The following RPS6KA2 variants were observed in gnomAD, a reference collection of about 807,000 sequenced individuals.
RPS6KA2 encodes ribosomal protein S6 kinase A2.
Under a neutral mutation model 91.8 loss-of-function variants are expected in RPS6KA2, and 42 were observed. That is an observed-to-expected ratio of 0.46 (90% CI 0.36 to 0.59). RPS6KA2 has a LOEUF of 0.59. RPS6KA2 is among the 20% of genes least tolerant of loss of function. The pLI, the probability that RPS6KA2 is intolerant of heterozygous loss-of-function variation, is 0.00. For synonymous variants in RPS6KA2, 414 were observed against 393.6 expected (o/e 1.05, Z -0.61); for missense variants, 798 against 978.5 (o/e 0.82, Z 2.46).
intron 2 of RPS6KA2, among the ~76,000 whole-genome samples, chr6:166,759,298 A>AT (rs999929723): frequency 1.8e-4 from 27 of 151,986 alleles, no homozygotes; most frequent in Non-Finnish European, 3.2e-4. Context: ...TTATATACAC[A>AT]TTTTTTTCTA....
chr6:166,819,979 G>T (rs1455727241), intron 2 of RPS6KA2, among the ~76,000 whole-genome samples: 4 of 152,128 alleles, frequency 2.6e-5, no homozygotes, highest in African/African-American at 9.7e-5. Context: ...CTATATGAGA[G>T]TGTGTGTTTT....
At chr6:166,486,219 G>T (rs1781402136) in intron 10 of RPS6KA2, among the ~76,000 whole-genome samples, 1 of 152,082 alleles carries the variant, frequency 6.6e-6, no homozygotes, top group South Asian at 2.1e-4. Flanking sequence ...TTGGTCAGTA[G>T]GTTCCTCTAA....
chr6:166,698,410 T>C (rs1789415245), intron 2 of RPS6KA2, among the ~76,000 whole-genome samples: 1 of 152,074 alleles, frequency 6.6e-6, no homozygotes, highest in Non-Finnish European at 1.5e-5. Context: ...CAGGCTGAGG[T>C]CAATGGAGAA....
intron 2 of RPS6KA2, among the ~76,000 whole-genome samples, chr6:166,813,397 T>G (rs911804808): frequency 7.9e-5 from 12 of 152,210 alleles, no homozygotes; most frequent in African/African-American, 2.9e-4. Flanking sequence ...CTAACTTTAA[T>G]GAGATTAAAA....
intron 2 of RPS6KA2, among the ~76,000 whole-genome samples, chr6:166,813,448 T>C (rs2072636): frequency 0.67 from 102,131 of 152,140 alleles, 34,770 homozygotes; most frequent in Non-Finnish European, 0.74. Flanking sequence ...TCCGAGTTCA[T>C]TGGTAATACA....
At chr6:166,703,385 T>C (rs945611958) in intron 2 of RPS6KA2, among the ~76,000 whole-genome samples, 3 of 152,266 alleles carry the variant, frequency 2.0e-5, no homozygotes, top group Admixed American at 6.5e-5. Context: ...TTCTGCCTCC[T>C]ACACGGGGTT....
At chr6:166,424,812 A>G (rs1420652131) in intron 16 of RPS6KA2, among the ~76,000 whole-genome samples, 1 of 152,244 alleles carries the variant, frequency 6.6e-6, no homozygotes, top group East Asian at 1.9e-4. Context: ...CGTTGCAAGT[A>G]ACGAAAATTC....
intron 2 of RPS6KA2, among the ~76,000 whole-genome samples, chr6:166,535,108 C>T (rs758162925): frequency 3.9e-5 from 6 of 152,180 alleles, no homozygotes; most frequent in Non-Finnish European, 8.8e-5. Context: ...AATACTCAAC[C>T]CAGTGGGCGC....
chr6:166,578,807 G>A (rs536483854), intron 1 of RPS6KA2, among the ~76,000 whole-genome samples: 7 of 152,182 alleles, frequency 4.6e-5, no homozygotes, highest in Admixed American at 2.6e-4. Context: ...CATGCGCCTC[G>A]TGCATTTTCT....
At chr6:166,430,357 C>A in intron 16 of RPS6KA2, 96 bp downstream of exon 16, 1 of 1,092,640 alleles carries the variant, frequency 9.2e-7, no homozygotes, top group Non-Finnish European at 1.3e-6. Flanking sequence ...CAGGACAATC[C>A]GCGTTCTCAG....
intron 2 of RPS6KA2, among the ~76,000 whole-genome samples, chr6:166,667,665 G>A (rs9366041): frequency 6.6e-5 from 10 of 152,156 alleles, no homozygotes; most frequent in East Asian, 5.8e-4. Context: ...TGTGCACCCC[G>A]ACCCCCTGCA....
At chr6:166,576,613 G>T (rs960056751) in intron 1 of RPS6KA2, among the ~76,000 whole-genome samples, 5 of 152,192 alleles carry the variant, frequency 3.3e-5, no homozygotes, top group Non-Finnish European at 5.9e-5. Context: ...ATGAGTTCAG[G>T]TATCTGGCGG....
chr6:166,477,763 T>C (rs1052172892), intron 10 of RPS6KA2, among the ~76,000 whole-genome samples: 3 of 152,024 alleles, frequency 2.0e-5, no homozygotes, highest in Admixed American at 6.6e-5. Flanking sequence ...AGTAATAAAC[T>C]AGTCAGGTGT....
rs1289235169 is a variant in RPS6KA2 at position 166,410,942 on chromosome 6, T to A, written c.*1820A>T. 6.6e-6 allele frequency: 1 copy of A among 152,030 alleles called. No homozygotes were observed. Among genetic ancestry groups the A allele is most frequent in the Non-Finnish European group, 1.5e-5 (1 of 68,016 alleles). The allele number at this position is 152,030 out of a possible 1,614,324, so 9.4% of individuals were successfully genotyped here. ...TTCTTCCTAAGTTTCTAAAAAGAAG[T>A]GAAATAATTAAGACCTAAAAAGCAA... is the stretch of plus-strand genomic sequence containing the variant. On this transcript the variant is annotated 3_prime_UTR_variant, in exon 21 of 21. Coordinates refer to ENST00000265678, the MANE Select transcript of RPS6KA2 (RefSeq NM_021135.6).
intron 12 of RPS6KA2, among the ~76,000 whole-genome samples, chr6:166,457,946 C>T (rs911901204): frequency 4.6e-5 from 7 of 152,268 alleles, no homozygotes; most frequent in East Asian, 3.9e-4. Context: ...AGTGAATCCC[C>T]GTAGATCCAA....
chr6:166,650,240 C>T (rs867018387), intron 2 of RPS6KA2, among the ~76,000 whole-genome samples: 27 of 152,160 alleles, frequency 1.8e-4, no homozygotes, highest in African/African-American at 6.5e-4. Context: ...TAAGGCCTCC[C>T]CTGGGGTTTC....
At chr6:166,813,471 C>T (rs890808749) in intron 2 of RPS6KA2, among the ~76,000 whole-genome samples, 4 of 152,168 alleles carry the variant, frequency 2.6e-5, no homozygotes, top group African/African-American at 7.2e-5. Context: ...GCATTAGTTT[C>T]CAAGGGCTGC....
At chr6:166,763,864 G>T (rs1450793684) in intron 2 of RPS6KA2, among the ~76,000 whole-genome samples, 2 of 152,184 alleles carry the variant, frequency 1.3e-5, no homozygotes, top group Non-Finnish European at 2.9e-5. Flanking sequence ...CGAGAAAGAG[G>T]GGTGCACCCA....
chr6:166,614,663 G>A (rs544602452), intron 1 of RPS6KA2, among the ~76,000 whole-genome samples: 5 of 152,274 alleles, frequency 3.3e-5, no homozygotes, highest in African/African-American at 1.2e-4. Context: ...TCGGAAGTTC[G>A]GGATCCATTT....
Sources: gnomAD v4.1 joint callset for allele counts (sites outside exome capture counted in the v4.1 genomes callset) on GRCh38, gnomAD v4.1.1 for gene constraint, MANE v1.5 for transcripts, NCBI Gene and HGNC (gene_info 2026-07-23, HGNC 2026-07-21) for gene names.